Variants in EYS observed in about 807,000 individuals in gnomAD.
The protein encoded by EYS is EGF-like photoreceptor maintenance factor, also known as protein eyes shut homolog.
EYS carries 250 observed loss-of-function variants against 282.1 expected under a neutral mutation model. That is an observed-to-expected ratio of 0.89 (90% confidence interval 0.80 to 0.98). The LOEUF (loss-of-function observed/expected upper bound fraction) is 0.98, where lower values mean the gene tolerates loss of function less well. Ranked by LOEUF, EYS falls within the 50% of genes least tolerant of loss-of-function variation. The pLI is 0.00. For missense variants in EYS, 4,016 were observed against 3,709.0 expected, an observed-to-expected ratio of 1.08 and a Z score of -2.15; for synonymous variants, 1,355 against 1,282.9, an observed-to-expected ratio of 1.06 and a Z score of -1.20.
At chr6:63,932,728 G>A (rs549077137) in intron 35 of EYS, among the ~76,000 whole-genome samples, 40 of 152,308 alleles carry the variant, frequency 2.6e-4, no homozygotes, top group African/African-American at 8.4e-4. Flanking sequence ...TACCAGATAT[G>A]TAGGGGGTTT....
chr6:64,802,536 T>G (rs1764278210), intron 22 of EYS, among the ~76,000 whole-genome samples: 1 of 152,214 alleles, frequency 6.6e-6, no homozygotes, highest in South Asian at 2.1e-4. Flanking sequence ...AAAATAAACT[T>G]AATTTTATAT....
intron 2 of EYS, among the ~76,000 whole-genome samples, chr6:65,613,054 T>C (rs1766057522): frequency 6.6e-6 from 1 of 151,764 alleles, no homozygotes; most frequent in African/African-American, 2.4e-5. Context: ...TCTCTGTAAA[T>C]GAAACAGCTA....
intron 11 of EYS, chr6:65,330,636 T>C (rs912510082): frequency 2.1e-6 from 2 of 937,974 alleles, no homozygotes; most frequent in Non-Finnish European, 2.5e-6. Flanking sequence ...AAAATGTTTA[T>C]ACGCTATTCA....
At chr6:64,212,518 A>G (rs146323975) in intron 31 of EYS, among the ~76,000 whole-genome samples, 2 of 152,116 alleles carry the variant, frequency 1.3e-5, no homozygotes, top group African/African-American at 4.8e-5. Flanking sequence ...TTTGGCTTCC[A>G]CACCAAATCT....
intron 22 of EYS, among the ~76,000 whole-genome samples, chr6:64,738,220 G>A (rs879729956): frequency 2.0e-5 from 3 of 152,118 alleles, no homozygotes; most frequent in Admixed American, 6.5e-5. Context: ...AGGGCTGGAT[G>A]GGGCTGGATC....
intron 13 of EYS, among the ~76,000 whole-genome samples, chr6:65,047,117 T>G (rs1482137592): frequency 6.6e-6 from 1 of 151,542 alleles, no homozygotes; most frequent in Non-Finnish European, 1.5e-5. Flanking sequence ...TTTTATAAAC[T>G]ACCCAGTCTC....
intron 37 of EYS, among the ~76,000 whole-genome samples, chr6:63,805,027 T>C (rs922789576): frequency 6.6e-6 from 1 of 152,056 alleles, no homozygotes; most frequent in Non-Finnish European, 1.5e-5. Flanking sequence ...CTTTCAGACA[T>C]ATGCTGATAC....
intron 35 of EYS, among the ~76,000 whole-genome samples, chr6:63,915,746 G>A (rs1197215064): frequency 6.6e-6 from 1 of 152,122 alleles, no homozygotes; most frequent in Non-Finnish European, 1.5e-5. Flanking sequence ...TGACTTTGAG[G>A]GGTTCAGAAC....
At chr6:64,168,987 A>C (rs1764389672) in intron 31 of EYS, among the ~76,000 whole-genome samples, 1 of 152,214 alleles carries the variant, frequency 6.6e-6, no homozygotes, top group Non-Finnish European at 1.5e-5. Context: ...AATATAAGAA[A>C]ATTTAACATT....
chr6:65,369,254 AGTGT>A (rs958838972), intron 8 of EYS, among the ~76,000 whole-genome samples: 2 of 144,676 alleles, frequency 1.4e-5, no homozygotes, highest in African/African-American at 5.0e-5. Context: ...GTGACCAAGC[AGTGT>A]GTGTGTGTAT....
At chr6:65,059,476 G>A (rs1269288125) in intron 12 of EYS, among the ~76,000 whole-genome samples, 1 of 152,096 alleles carries the variant, frequency 6.6e-6, no homozygotes, top group East Asian at 1.9e-4. Flanking sequence ...ACCAAAGTTA[G>A]TCTCCTACCC....
Position 65,310,051 on chromosome 6 carries a change from T to C in EYS, c.1767-13932A>G, listed in dbSNP as rs555156847. On this transcript the variant is annotated intron_variant, in intron 11 of 42. Coordinates refer to ENST00000503581, the MANE Select transcript of EYS (RefSeq NM_001142800.2). Reference sequence around the variant, plus strand: ...AGGTCCCTCCCATTGCACTGGACTATACACACTCTTGGCTGGGCGTGGTGG... The same window carrying C: ...AGGTCCCTCCCATTGCACTGGACTACACACACTCTTGGCTGGGCGTGGTGG... Among the ~76,000 whole-genome samples the C allele has an allele frequency of 2.6e-5, 4 of 152,288 alleles. No individual in the cohort carries two copies. The South Asian group carries it at 8.3e-4, about 32-fold the overall frequency.
intron 15 of EYS, among the ~76,000 whole-genome samples, chr6:64,919,096 T>G (rs1038531046): frequency 6.6e-6 from 1 of 152,224 alleles, no homozygotes; most frequent in Non-Finnish European, 1.5e-5. Context: ...AGAGTTCTAC[T>G]AGGCAGATTA....
intron 35 of EYS, among the ~76,000 whole-genome samples, chr6:63,967,146 A>G (rs1015343238): frequency 2.8e-4 from 43 of 152,306 alleles, no homozygotes; most frequent in African/African-American, 1.0e-3. Context: ...CTGATAACCA[A>G]GATGTCTACT....
chr6:64,693,793 C>G (rs898564900), intron 22 of EYS, among the ~76,000 whole-genome samples: 2 of 152,018 alleles, frequency 1.3e-5, no homozygotes, highest in East Asian at 3.9e-4. Flanking sequence ...TTAAGATACT[C>G]TCTTCATTAA....
intron 1 of EYS, among the ~76,000 whole-genome samples, chr6:65,674,969 GTA>G (rs1402381450): frequency 1.3e-5 from 2 of 151,846 alleles, no homozygotes; most frequent in Non-Finnish European, 2.9e-5. Context: ...AACAGAAAGT[GTA>G]TGTGTGGAGG....
chr6:63,957,217 A>G (rs908176641), intron 35 of EYS, among the ~76,000 whole-genome samples: 1 of 106,006 alleles, frequency 9.4e-6, no homozygotes, highest in Non-Finnish European at 2.4e-5. Flanking sequence ...GGGCTATTTT[A>G]AACAGTGAAA....
At chr6:64,243,006 TTATA>T (rs1279194003) in intron 30 of EYS, among the ~76,000 whole-genome samples, 1 of 146,868 alleles carries the variant, frequency 6.8e-6, no homozygotes, top group Non-Finnish European at 1.5e-5. Flanking sequence ...TAATTATAAT[TTATA>T]TATATTTATT....
At chr6:64,497,809 G>T (rs1435904155) in intron 26 of EYS, among the ~76,000 whole-genome samples, 1 of 152,062 alleles carries the variant, frequency 6.6e-6, no homozygotes, top group South Asian at 2.1e-4. Context: ...AATAAATCTT[G>T]GTAACTATCT....
Sources: allele counts gnomAD v4.1 joint callset (sites outside exome capture counted in the v4.1 genomes callset), GRCh38; gene constraint gnomAD v4.1.1; transcripts MANE v1.5; gene names NCBI Gene and HGNC (gene_info 2026-07-23, HGNC 2026-07-21).